Variants in DYM observed in about 807,000 individuals in gnomAD.
DYM encodes the protein dyggve-Melchior-Clausen syndrome protein.
Under a neutral mutation model 93.1 loss-of-function variants are expected in DYM, and 78 were observed. The observed-to-expected ratio is 0.84, with a 90% confidence interval of 0.70 to 1.01. The LOEUF is 1.01. Ranked by LOEUF, DYM falls within the 50% of genes least tolerant of loss-of-function variation. The pLI, the probability that DYM is intolerant of heterozygous loss-of-function variation, is 0.00. For missense variants in DYM, 789 were observed against 845.0 expected (o/e 0.93, Z 0.82); for synonymous variants, 321 against 319.7 (o/e 1.00, Z -0.04).
At chr18:49,168,772 A>G (rs958475982) in intron 14 of DYM, among the ~76,000 whole-genome samples, 2 of 152,164 alleles carry the variant, frequency 1.3e-5, no homozygotes, top group African/African-American at 4.8e-5. Flanking sequence ...GTGGGAGAAC[A>G]GGGGGAAGAT....
intron 13 of DYM, among the ~76,000 whole-genome samples, chr18:49,249,854 AG>A (rs2094249284): frequency 6.6e-6 from 1 of 152,260 alleles, no homozygotes; most frequent in South Asian, 2.1e-4. Flanking sequence ...CATGGATTTG[AG>A]AATTTTAAAG....
At chr18:49,311,402 G>T (rs1189894024) in intron 8 of DYM, among the ~76,000 whole-genome samples, 1 of 152,120 alleles carries the variant, frequency 6.6e-6, no homozygotes, top group Non-Finnish European at 1.5e-5. Context: ...TGTAACAAAA[G>T]GTAGGTCTGT....
At chr18:49,080,774 A>C (rs2077894307) in intron 17 of DYM, among the ~76,000 whole-genome samples, 1 of 137,016 alleles carries the variant, frequency 7.3e-6, no homozygotes. Context: ...GGGGCTCCTC[A>C]CTTCTCAGAC....
chr18:49,419,990 G>A (rs7506517), intron 2 of DYM, among the ~76,000 whole-genome samples: 13,864 of 152,068 alleles, frequency 0.091, 853 homozygotes, highest in East Asian at 0.31. Context: ...CAAGGATTAA[G>A]GAAATGATTT....
At chr18:49,448,125 T>C (rs1379053071) in intron 1 of DYM, among the ~76,000 whole-genome samples, 8 of 152,214 alleles carry the variant, frequency 5.3e-5, no homozygotes, top group Admixed American at 5.2e-4. Context: ...CCAGGCTTTA[T>C]GCTGGTTCTG....
intron 8 of DYM, among the ~76,000 whole-genome samples, chr18:49,313,324 G>A (rs564245881): frequency 1.1e-4 from 17 of 151,654 alleles, no homozygotes; most frequent in South Asian, 2.1e-4. Flanking sequence ...TTAACTGGGC[G>A]TGGTGGCGCA....
chr18:49,236,970 A>G (rs1377897244), intron 13 of DYM, among the ~76,000 whole-genome samples: 1 of 152,150 alleles, frequency 6.6e-6, no homozygotes, highest in African/African-American at 2.4e-5. Context: ...CAGATCTGGG[A>G]GCAGTTCACC....
chr18:49,073,606 G>A (rs560390088), intron 17 of DYM, among the ~76,000 whole-genome samples: 3 of 152,278 alleles, frequency 2.0e-5, no homozygotes, highest in Non-Finnish European at 4.4e-5. Flanking sequence ...CCTTGGCCTG[G>A]CAGTAAGGAA....
At chr18:49,205,454 C>A (rs943963767) in intron 14 of DYM, among the ~76,000 whole-genome samples, 1 of 151,384 alleles carries the variant, frequency 6.6e-6, no homozygotes, top group African/African-American at 2.4e-5. Context: ...TTACAGATTG[C>A]CATAGTAGAT....
At chr18:49,214,889 T>C (rs1202560520) in intron 13 of DYM, among the ~76,000 whole-genome samples, 2 of 152,158 alleles carry the variant, frequency 1.3e-5, no homozygotes, top group African/African-American at 2.4e-5. Flanking sequence ...ATTCCTGAAA[T>C]GGGCACTGTG....
chr18:49,349,311 A>C (rs937458791), intron 6 of DYM, among the ~76,000 whole-genome samples: 1 of 152,242 alleles, frequency 6.6e-6, no homozygotes, highest in African/African-American at 2.4e-5. Flanking sequence ...CAAATATTTA[A>C]AATATAGCCA....
intron 8 of DYM, among the ~76,000 whole-genome samples, chr18:49,329,902 A>T (rs1393231745): frequency 6.6e-6 from 1 of 152,254 alleles, no homozygotes; most frequent in Non-Finnish European, 1.5e-5. Flanking sequence ...TCAAGCCAAT[A>T]GTAAAGTAAG....
intron 13 of DYM, among the ~76,000 whole-genome samples, chr18:49,237,988 T>C (rs2093923775): frequency 6.6e-6 from 1 of 152,066 alleles, no homozygotes; most frequent in Non-Finnish European, 1.5e-5. Context: ...GAGTTGTTCC[T>C]AATCTTTTGC....
At chr18:49,290,764 G>A (rs1050344819) in intron 8 of DYM, among the ~76,000 whole-genome samples, 2 of 152,138 alleles carry the variant, frequency 1.3e-5, no homozygotes, top group Admixed American at 6.6e-5. Context: ...ACTGTAGACA[G>A]TGGTCATTCG....
chr18:49,245,964 G>T (rs1445687746), intron 13 of DYM, among the ~76,000 whole-genome samples: 1 of 152,160 alleles, frequency 6.6e-6, no homozygotes, highest in Admixed American at 6.5e-5. Context: ...TTGGGGGCTG[G>T]TTCCCCCGAT....
At chr18:49,361,046 A>G (rs2065971760) in intron 6 of DYM, among the ~76,000 whole-genome samples, 1 of 152,218 alleles carries the variant, frequency 6.6e-6, no homozygotes, top group Admixed American at 6.5e-5. Flanking sequence ...GACCCAAACT[A>G]TGTCACATGG....
intron 17 of DYM, among the ~76,000 whole-genome samples, chr18:49,096,477 T>G (rs763326134): frequency 6.6e-6 from 1 of 152,190 alleles, no homozygotes; most frequent in Non-Finnish European, 1.5e-5. Context: ...AGACGTGAAC[T>G]GTGACAAAAC....
intron 11 of DYM, among the ~76,000 whole-genome samples, chr18:49,262,044 T>A (rs1188325788): frequency 6.6e-6 from 1 of 152,238 alleles, no homozygotes. Context: ...AACTTGTGAA[T>A]GTGACCTTAC....
chr18:49,216,201 G>A (rs1022088008), intron 13 of DYM, among the ~76,000 whole-genome samples: 2 of 152,176 alleles, frequency 1.3e-5, no homozygotes, highest in Admixed American at 1.3e-4. Context: ...GCTGGGGGAG[G>A]GGCGCCCGCC....
Sources: gnomAD v4.1 joint callset for allele counts (sites outside exome capture counted in the v4.1 genomes callset) on GRCh38, gnomAD v4.1.1 for gene constraint, MANE v1.5 for transcripts, NCBI Gene and HGNC (gene_info 2026-07-23, HGNC 2026-07-21) for gene names.